CDK12: variants seen among roughly 807,000 people sequenced by gnomAD.
CDK12 encodes the protein cyclin-dependent kinase 12.
CDK12 carries 17 observed loss-of-function variants against 133.8 expected under a neutral mutation model. That is an observed-to-expected ratio of 0.13 (90% confidence interval 0.09 to 0.19). The LOEUF is 0.19. Ranked by LOEUF, CDK12 falls within the 10% of genes least tolerant of loss-of-function variation. CDK12 has a pLI of 1.00. For missense variants in CDK12, 1,508 were observed against 1,818.7 expected, an observed-to-expected ratio of 0.83 and a Z score of 3.11; for synonymous variants, 694 against 683.6, an observed-to-expected ratio of 1.02 and a Z score of -0.24.
chr17:39,487,290 T>C (rs1459833142), intron 2 of CDK12, among the ~76,000 whole-genome samples: 1 of 152,232 alleles, frequency 6.6e-6, no homozygotes, highest in African/African-American at 2.4e-5. Context: ...ATTTATGTTC[T>C]TATATTTTGA....
At chr17:39,501,515 T>C (rs1478546148) in intron 6 of CDK12, 76 bp downstream of exon 6, 7 of 981,008 alleles carry the variant, frequency 7.1e-6, no homozygotes, top group African/African-American at 1.6e-5. Flanking sequence ...GGTTAATTGG[T>C]ATTATAATTA....
chr17:39,549,994 CTCTCTCTCTCTCTCTG>C (rs1258140488), upstream of CDK12: 1 of 151,940 alleles, frequency 6.6e-6, no homozygotes, highest in Non-Finnish European at 1.5e-5. Flanking sequence ...TGCTTTCTCT[CTCTCTCTCTCTCTCTG>C]TCTCTCTCTC....
Position 39,462,385 on chromosome 17 carries a change from G to A in CDK12, c.314G>A (p.Ser105Asn), listed in dbSNP as rs762191969. The change falls in exon 1 of 14, where the codon AGC becomes AAC. Residue 105 changes from serine to asparagine, a missense_variant. Coordinates refer to ENST00000447079, the MANE Select transcript of CDK12 (RefSeq NM_016507.4). The part of the protein sequence containing the change: ...ENDERRGSDR[S>N]DRLHKHRHHQ... Reference sequence around the variant, plus strand: ...GACGAACGTCGTGGATCAGATCGGAGCGACCGCCTGCACAAACATCGTCAC... The same window carrying A: ...GACGAACGTCGTGGATCAGATCGGAACGACCGCCTGCACAAACATCGTCAC... 1 of 1,614,194 alleles carries A rather than the reference G, an allele frequency of 6.2e-7. No individual in the cohort carries two copies. Among genetic ancestry groups the A allele is most frequent in the African/African-American group, 1.3e-5 (1 of 75,056 alleles).
In CDK12 at chr17:39,462,936, A is replaced by C. The variant is rs2144903653; in HGVS notation, c.865A>C (p.Thr289Pro). Reference sequence around the variant, plus strand: ...GGAGCCTTCGGCCTACCAGTCCAGCACCCGGTCACCGAGCCCCTACAGTAG... The same window carrying C: ...GGAGCCTTCGGCCTACCAGTCCAGCCCCCGGTCACCGAGCCCCTACAGTAG... ...YKEPSAYQSS[T>P]RSPSPYSRRQ... The change falls in exon 1 of 14, where the codon ACC (threonine) becomes CCC (proline). Residue 289 changes from threonine to proline, a missense_variant. Transcript: ENST00000447079. 1.9e-6 allele frequency: 3 copies of C among 1,614,100 alleles called. No individual in the cohort carries two copies. The highest frequency in any genetic ancestry group is 2.5e-6 in the Non-Finnish European group (3 of 1,180,016).
intron 1 of CDK12, among the ~76,000 whole-genome samples, chr17:39,467,855 T>C (rs2049465300): frequency 6.6e-6 from 1 of 152,034 alleles, no homozygotes; most frequent in African/African-American, 2.4e-5. Flanking sequence ...CATGTTTGCG[T>C]TGTTGTTTTT....
At chr17:39,501,511 T>C (rs2052715622) in intron 6 of CDK12, 72 bp downstream of exon 6, 1 of 1,034,622 alleles carries the variant, frequency 9.7e-7, no homozygotes, top group Admixed American at 2.3e-5. Flanking sequence ...AAATGGTTAA[T>C]TGGTATTATA....
intron 2 of CDK12, among the ~76,000 whole-genome samples, chr17:39,481,680 C>T (rs1482731485): frequency 5.9e-4 from 7 of 11,790 alleles, no homozygotes; most frequent in Non-Finnish European, 9.1e-4. Flanking sequence ...CTCTCTCTCT[C>T]TCTCTCTCTC....
intron 6 of CDK12, 108 bp from the exon 7 acceptor site, chr17:39,509,597 A>C (rs2053354025): frequency 1.6e-5 from 12 of 756,526 alleles, no homozygotes; most frequent in Non-Finnish European, 2.8e-5. Context: ...GCAGAAGTTA[A>C]AATTTATTTT....
At chr17:39,480,517 C>G (rs1484256273) in intron 2 of CDK12, among the ~76,000 whole-genome samples, 1 of 152,032 alleles carries the variant, frequency 6.6e-6, no homozygotes, top group Non-Finnish European at 1.5e-5. Context: ...TCTCAGCTCA[C>G]TGCAACCTCT....
rs143711820 is a variant in CDK12, at chr17:39,530,947, G to A, written c.4104G>A (p.Gln1368=). Residue 1368 remains glutamine, a synonymous_variant, in exon 14 of 14, where the codon CAG becomes CAA. Coordinates refer to ENST00000447079, the MANE Select transcript of CDK12 (RefSeq NM_016507.4). ...SGPALTESLV[Q]TLVKNRTFSG... ...CAGCCTTGACAGAATCCTTGGTCCA[G>A]ACCCTGGTGAAGAACAGGACCTTCT... 181 of 1,614,106 alleles carry A rather than the reference G, an allele frequency of 1.1e-4. No homozygotes were observed. The highest frequency in any genetic ancestry group is 1.5e-4 in the Non-Finnish European group (176 of 1,180,048).
intron 6 of CDK12, among the ~76,000 whole-genome samples, chr17:39,505,135 AGC>A (rs1567749502): frequency 4.0e-5 from 6 of 151,140 alleles, no homozygotes; most frequent in African/African-American, 1.5e-4. Flanking sequence ...AGGCTGAGGC[AGC>A]GGAATCACTT....
chr17:39,519,224 T>C (rs1276606939), intron 10 of CDK12, among the ~76,000 whole-genome samples: 1 of 150,896 alleles, frequency 6.6e-6, no homozygotes, highest in Non-Finnish European at 1.5e-5. Flanking sequence ...AAATCCTGTG[T>C]GGGAGCAAAT....
downstream of CDK12, among the ~76,000 whole-genome samples, chr17:39,536,901 C>T (rs1056039842): frequency 6.6e-6 from 1 of 152,158 alleles, no homozygotes; most frequent in Non-Finnish European, 1.5e-5. Flanking sequence ...AAGGTATAGC[C>T]ATGAAATAAA....
In CDK12 at chr17:39,485,660, C is replaced by G. The variant is rs886569159; in HGVS notation, c.1932-4897C>G. Among the ~76,000 whole-genome samples the G allele has an allele frequency of 4.0e-5, 6 of 151,708 alleles. No individual in the cohort carries two copies. The East Asian group carries it at 1.2e-3, about 29-fold the overall frequency. On this transcript the variant is annotated intron_variant, in intron 2 of 13. Coordinates refer to ENST00000447079, the MANE Select transcript of CDK12 (RefSeq NM_016507.4). The stretch of plus-strand genomic sequence containing the variant: ...GATCTCCTGACCTCATGATCCCCGG[C>G]CTCGGCCCCCTAAAGTGCTGGGATT...
Position 39,471,776 on chromosome 17 carries a change from G to A in CDK12, c.1931+13G>A, listed in dbSNP as rs2145213623. ...ATGACATGGATAGGTAAGTCCTATAGTGAACTGGAAAAAACCCCCTTGATC... is the reference window on the plus strand; with the variant it reads ...ATGACATGGATAGGTAAGTCCTATAATGAACTGGAAAAAACCCCCTTGATC... On this transcript the variant is annotated intron_variant, in intron 2 of 13. Coordinates refer to ENST00000447079, the MANE Select transcript of CDK12 (RefSeq NM_016507.4). The A allele has an allele frequency of 6.3e-7, 1 of 1,585,722 alleles. No individual in the cohort carries two copies. Among genetic ancestry groups the A allele is most frequent in the Non-Finnish European group, 8.6e-7 (1 of 1,164,902 alleles).
chr17:39,506,739 G>A (rs1261240106), intron 6 of CDK12, among the ~76,000 whole-genome samples: 1 of 152,132 alleles, frequency 6.6e-6, no homozygotes. Flanking sequence ...TGGAGGCACT[G>A]TGTACTTGAA....
At chr17:39,530,092 A>G (rs906043893) in intron 13 of CDK12, 22 of 153,416 alleles carry the variant, frequency 1.4e-4, no homozygotes, top group African/African-American at 5.1e-4. Flanking sequence ...TATCTCTCCT[A>G]TATATTCTTT....
chr17:39,467,112 G>A (rs371050464), intron 1 of CDK12, among the ~76,000 whole-genome samples: 17 of 152,110 alleles, frequency 1.1e-4, no homozygotes, highest in East Asian at 5.8e-4. Flanking sequence ...CCAAGTAGCT[G>A]GGACTACAGG....
At chr17:39,525,380 A>G (rs567254274) in intron 12 of CDK12, among the ~76,000 whole-genome samples, 5 of 152,310 alleles carry the variant, frequency 3.3e-5, no homozygotes, top group African/African-American at 9.6e-5. Context: ...GTTATGACCA[A>G]TTCTTCGGGA....
Sources: allele counts gnomAD v4.1 joint callset (sites outside exome capture counted in the v4.1 genomes callset), GRCh38; gene constraint gnomAD v4.1.1; transcripts MANE v1.5; gene names NCBI Gene and HGNC (gene_info 2026-07-23, HGNC 2026-07-21).